GABPB2: variants seen among roughly 807,000 people sequenced by gnomAD.
The protein encoded by GABPB2 is GA-binding protein subunit beta-2.
GABPB2 carries 23 observed loss-of-function variants against 39.1 expected under a neutral mutation model. That is an observed-to-expected ratio of 0.59 (90% confidence interval 0.42 to 0.83). GABPB2 has a LOEUF of 0.83. GABPB2 is among the 40% of genes least tolerant of loss of function. GABPB2 has a pLI of 0.00. For missense variants in GABPB2, 467 were observed against 541.1 expected (o/e 0.86, Z 1.36); for synonymous variants, 184 against 199.3 (o/e 0.92, Z 0.65).
chr1:151,086,360 G>A (rs1314906509), intron 1 of GABPB2, among the ~76,000 whole-genome samples: 1 of 152,074 alleles, frequency 6.6e-6, no homozygotes, highest in Admixed American at 6.6e-5. Flanking sequence ...TGTCATCCAG[G>A]ACACTCCTAA....
At chr1:151,104,818 T>C (rs587686430) in intron 6 of GABPB2, among the ~76,000 whole-genome samples, 31 of 150,440 alleles carry the variant, frequency 2.1e-4, no homozygotes, top group South Asian at 6.3e-4. Flanking sequence ...TTCTTTCCTT[T>C]CTTTCTTTCT....
At chr1:151,096,695 T>C (rs1679122368) in intron 4 of GABPB2, among the ~76,000 whole-genome samples, 1 of 152,168 alleles carries the variant, frequency 6.6e-6, no homozygotes, top group Non-Finnish European at 1.5e-5. Flanking sequence ...AGCGAGACTT[T>C]AAAATCTGGC....
chr1:151,076,631 T>C (rs1159068889), intron 1 of GABPB2, among the ~76,000 whole-genome samples: 1 of 151,700 alleles, frequency 6.6e-6, no homozygotes, highest in Non-Finnish European at 1.5e-5. Flanking sequence ...GCTTTCACCA[T>C]GTTGGCCAGG....
At chr1:151,088,991 A>G (rs918203897) in intron 2 of GABPB2, among the ~76,000 whole-genome samples, 2 of 149,922 alleles carry the variant, frequency 1.3e-5, no homozygotes, top group Admixed American at 1.3e-4. Flanking sequence ...TCTGTTTCAA[A>G]AAAAAAAAAA....
At chr1:151,071,326 G>A (rs1402240869) in intron 1 of GABPB2, among the ~76,000 whole-genome samples, 1 of 152,128 alleles carries the variant, frequency 6.6e-6, no homozygotes, top group Non-Finnish European at 1.5e-5. Flanking sequence ...GTGAGGAACT[G>A]TAGGGTTTAT....
chr1:151,099,397 C>T (rs1170444147), intron 5 of GABPB2, among the ~76,000 whole-genome samples: 3 of 151,944 alleles, frequency 2.0e-5, no homozygotes, highest in Non-Finnish European at 4.4e-5. Flanking sequence ...GGGGTTTCAC[C>T]GTGTTAGCCA....
At position 151,117,610 on chromosome 1, in the gene GABPB2, G is replaced by T. The variant is rs1236852815; in HGVS notation, c.1047+94G>T. 7.4e-5 allele frequency: 100 copies of T among 1,356,134 alleles called. 1 individual carries two copies. The allele number at this position is 1,356,134 out of a possible 1,614,324, so 84.0% of individuals were successfully genotyped here. On this transcript the variant is annotated intron_variant, in intron 8 of 8. Transcript: ENST00000368918. ...TTTTCTTTTTTCTTTTTGAGACGGA[G>T]TCTTGCTGTGTTGCCCAGGCTGGAG... is the stretch of plus-strand genomic sequence containing the variant.
intron 1 of GABPB2, among the ~76,000 whole-genome samples, chr1:151,080,959 G>A (rs984297938): frequency 6.7e-6 from 1 of 150,346 alleles, no homozygotes; most frequent in African/African-American, 2.4e-5. Flanking sequence ...TGCAACCTCT[G>A]CCTCCCGGGT....
intron 4 of GABPB2, among the ~76,000 whole-genome samples, chr1:151,095,571 A>T (rs1679036612): frequency 6.6e-6 from 1 of 152,158 alleles, no homozygotes; most frequent in South Asian, 2.1e-4. Context: ...AGGAAGTGCT[A>T]CTATTTCGCC....
At chr1:151,088,656 C>G (rs587666907) in intron 2 of GABPB2, 23 of 284,848 alleles carry the variant, frequency 8.1e-5, no homozygotes, top group South Asian at 7.5e-4. Context: ...GAATGCATTC[C>G]TAGACTAATA....
At chr1:151,092,401 A>C (rs587744092) in intron 3 of GABPB2, among the ~76,000 whole-genome samples, 4 of 151,384 alleles carry the variant, frequency 2.6e-5, no homozygotes, top group Non-Finnish European at 4.4e-5. Context: ...CACCGCACCC[A>C]GCCATTTTTT....
chr1:151,118,230 G>A lies in GABPB2; in HGVS notation c.1321G>A (p.Val441Ile). The A allele has an allele frequency of 6.2e-7, 1 of 1,613,338 alleles. No individual in the cohort carries two copies. The highest frequency in any genetic ancestry group is 8.5e-7 in the Non-Finnish European group (1 of 1,179,460). Residue 441 changes from valine (V) to isoleucine (I), a missense_variant, in exon 9 of 9, where the codon GTT becomes ATT. Physicochemically the swap from Val to Ile is conservative, Grantham distance 29. Coordinates refer to ENST00000368918, the MANE Select transcript of GABPB2 (RefSeq NM_144618.3). The part of the protein sequence containing the change: ...SAGTTEPHTR[V>I]SMATVSS ...AGGGACCACAGAGCCTCACACTAGA[G>A]TTTCCATGGCAACTGTTTCATCTTA...
rs1681081986 is a variant in GABPB2 at position 151,119,153 on chromosome 1, T to A, written c.*897T>A. 1 of 151,738 alleles carries A rather than the reference T, an allele frequency of 6.6e-6. No homozygotes were observed. Among genetic ancestry groups the A allele is most frequent in the South Asian group, 2.2e-4 (1 of 4,630 alleles). 9.4% of individuals were successfully genotyped at this position (151,738 alleles called of 1,614,324 possible). A position where few individuals can be genotyped will look rare whatever the true frequency, so the allele number is the denominator to read the frequency against. ...TAGAAACCTGTGTCTACAAAAAATTTAAAAATTAGCCAAGTATGGTGACAG... is the reference window on the plus strand; with the variant it reads ...TAGAAACCTGTGTCTACAAAAAATTAAAAAATTAGCCAAGTATGGTGACAG... On this transcript the variant is annotated 3_prime_UTR_variant, in exon 9 of 9. Coordinates refer to ENST00000368918, the MANE Select transcript of GABPB2 (RefSeq NM_144618.3).
At chr1:151,091,640 A>G (rs61819215) in intron 3 of GABPB2, among the ~76,000 whole-genome samples, 8,834 of 150,370 alleles carry the variant, frequency 0.059, 268 homozygotes, top group Middle Eastern at 0.13. Flanking sequence ...ATGCTCAGCT[A>G]ATTTTTTTTT....
Position 151,090,452 on chromosome 1 carries a change from C to G in GABPB2, c.155C>G (p.Ser52Cys), listed in dbSNP as rs772707931. Residue 52 changes from serine (S) to cysteine (C), a missense_variant, in exon 3 of 9, where the codon TCC (serine) becomes TGC (cysteine). Ser to Cys is a moderately radical substitution (Grantham distance 112, BLOSUM62 -1). Coordinates refer to ENST00000368918, the MANE Select transcript of GABPB2 (RefSeq NM_144618.3). ...CTTGCAGCTCAATATGGTCATTATTCCACAGCAGAAGTACTCCTTCGAGCA... is the reference window on the plus strand; with the variant it reads ...CTTGCAGCTCAATATGGTCATTATTGCACAGCAGAAGTACTCCTTCGAGCA... The part of the protein sequence containing the change: ...LHLAAQYGHY[S>C]TAEVLLRAGV... The G allele has an allele frequency of 3.7e-6, 6 of 1,614,044 alleles. No individual in the cohort carries two copies. Among genetic ancestry groups the G allele is most frequent in the South Asian group, 3.3e-5 (3 of 91,072 alleles).
intron 1 of GABPB2, among the ~76,000 whole-genome samples, chr1:151,079,741 A>G (rs1677493578): frequency 6.6e-6 from 1 of 151,672 alleles, no homozygotes; most frequent in Admixed American, 6.6e-5. Context: ...TACTAAGAAT[A>G]CAAAATTAGC....
intron 7 of GABPB2, among the ~76,000 whole-genome samples, chr1:151,116,339 A>G (rs1157544420): frequency 6.8e-6 from 1 of 146,436 alleles, no homozygotes; most frequent in African/African-American, 2.5e-5. Flanking sequence ...GCAGTTAGCC[A>G]TTGCACTCCA....
At chr1:151,088,404 C>A in intron 2 of GABPB2, 107 bp downstream of exon 2, 2 of 1,236,696 alleles carry the variant, frequency 1.6e-6, no homozygotes, top group South Asian at 2.7e-5. Flanking sequence ...CTTTCTACCT[C>A]ATATCCCTTA....
intron 1 of GABPB2, among the ~76,000 whole-genome samples, chr1:151,078,242 C>A (rs1677354000): frequency 6.7e-6 from 1 of 150,018 alleles, no homozygotes; most frequent in Non-Finnish European, 1.5e-5. Flanking sequence ...TGCACTCCAG[C>A]CTGGGTGAGA....
Sources: gnomAD v4.1 joint callset for allele counts (sites outside exome capture counted in the v4.1 genomes callset) on GRCh38, gnomAD v4.1.1 for gene constraint, MANE v1.5 for transcripts, NCBI Gene and HGNC (gene_info 2026-07-23, HGNC 2026-07-21) for gene names.